The following CNOT10 variants were observed in gnomAD, a reference collection of about 807,000 sequenced individuals.
CNOT10 encodes CCR4-NOT transcription complex subunit 10, also known as CCR4-NOT transcription complex, subunit 10.
CNOT10 carries 30 observed loss-of-function variants against 94.6 expected under a neutral mutation model. The observed-to-expected ratio is 0.32, with a 90% CI of 0.24 to 0.43. The LOEUF (loss-of-function observed/expected upper bound fraction) is 0.43, where lower values mean the gene tolerates loss of function less well. Ranked by LOEUF, CNOT10 falls within the 20% of genes least tolerant of loss-of-function variation. CNOT10 has a pLI of 1.00. For synonymous variants in CNOT10, 289 were observed against 301.6 expected (o/e 0.96, Z 0.43); for missense variants, 759 against 877.2 (o/e 0.87, Z 1.70).
At chr3:32,694,260 T>A (rs1458402900) in intron 1 of CNOT10, among the ~76,000 whole-genome samples, 1 of 151,880 alleles carries the variant, frequency 6.6e-6, no homozygotes, top group Non-Finnish European at 1.5e-5. Flanking sequence ...TTTTAAGTAG[T>A]TAACATTTTA....
At chr3:32,707,461 A>G (rs1272441095) in intron 3 of CNOT10, among the ~76,000 whole-genome samples, 2 of 152,190 alleles carry the variant, frequency 1.3e-5, no homozygotes, top group Admixed American at 1.3e-4. Context: ...GGGCAAGATA[A>G]TTAAGTTTTC....
Position 32,685,402 on chromosome 3 carries a change from C to A in CNOT10, c.-59C>A. ...CGGAGGTCCAGGACAGCGGCCAGCCCGGCGGCGGGAGTCAGGGCCACGCCA... is the reference window on the plus strand; with the variant it reads ...CGGAGGTCCAGGACAGCGGCCAGCCAGGCGGCGGGAGTCAGGGCCACGCCA... On this transcript the variant is annotated 5_prime_UTR_variant, in exon 1 of 19. Transcript: ENST00000328834. The A allele has an allele frequency of 6.5e-7, 1 of 1,546,406 alleles. No homozygotes were observed. Among genetic ancestry groups the A allele is most frequent in the Non-Finnish European group, 8.7e-7 (1 of 1,143,532 alleles).
At chr3:32,706,014 C>G (rs1439040858) in intron 3 of CNOT10, among the ~76,000 whole-genome samples, 2 of 152,116 alleles carry the variant, frequency 1.3e-5, no homozygotes, top group African/African-American at 4.8e-5. Context: ...GCAGTAGGTG[C>G]TTATTATCTC....
At chr3:32,755,118 C>T (rs780338520) in intron 13 of CNOT10, among the ~76,000 whole-genome samples, 21 of 150,576 alleles carry the variant, frequency 1.4e-4, no homozygotes, top group Middle Eastern at 3.4e-3. Flanking sequence ...TGGTGGTGCA[C>T]GCCTGTAGTC....
intron 13 of CNOT10, among the ~76,000 whole-genome samples, chr3:32,743,268 T>A (rs1699552167): frequency 6.6e-6 from 1 of 152,112 alleles, no homozygotes; most frequent in African/African-American, 2.4e-5. Context: ...ATTACAGGCA[T>A]GAGCCACCCA....
intron 1 of CNOT10, among the ~76,000 whole-genome samples, chr3:32,686,440 C>G (rs1314963950): frequency 6.6e-6 from 1 of 152,108 alleles, no homozygotes; most frequent in Non-Finnish European, 1.5e-5. Context: ...GAAATTAAGC[C>G]AATTCTATTT....
chr3:32,762,440 T>G (rs923089810), intron 14 of CNOT10, among the ~76,000 whole-genome samples: 2 of 151,848 alleles, frequency 1.3e-5, no homozygotes, highest in Admixed American at 6.6e-5. Context: ...CAGCTAATTT[T>G]TGTATTTTTT....
chr3:32,763,713 C>T (rs1331458804), intron 15 of CNOT10, among the ~76,000 whole-genome samples: 1 of 152,082 alleles, frequency 6.6e-6, no homozygotes, highest in Non-Finnish European at 1.5e-5. Context: ...GACTAGTGCT[C>T]AGGTTTGAGA....
chr3:32,764,501 A>G lies in CNOT10; in HGVS notation c.1876+11A>G, dbSNP rs986915363. On this transcript the variant is annotated intron_variant, in intron 16 of 18. Transcript: ENST00000328834. ...AAGCAATGGAATCCTGTAAGTAAGA[A>G]GTTTTGTGATACTTAAGTAGCCTGG... 1.2e-6 allele frequency: 2 copies of G among 1,612,946 alleles called. No homozygotes were observed. The highest frequency in any genetic ancestry group is 1.3e-5 in the African/African-American group (1 of 74,852).
chr3:32,734,885 G>C lies in CNOT10; in HGVS notation c.1423G>C (p.Glu475Gln). 6.2e-7 allele frequency: 1 copy of C among 1,613,950 alleles called. No homozygotes were observed. Among genetic ancestry groups the C allele is most frequent in the Non-Finnish European group, 8.5e-7 (1 of 1,179,878 alleles). ...AAATGCCTTGTTGCTGCTACCTGAAGAACAGCAAGATCCAAAGCAGGAAAA... is the reference window on the plus strand; with the variant it reads ...AAATGCCTTGTTGCTGCTACCTGAACAACAGCAAGATCCAAAGCAGGAAAA... ...LRNALLLLPEEQQDPKQENGA... is the reference protein window; with the variant it reads ...LRNALLLLPEQQQDPKQENGA... Residue 475 changes from glutamate to glutamine, a missense_variant, in exon 12 of 19, where the codon GAA becomes CAA. Glu to Gln is a conservative substitution (Grantham distance 29). This residue lies in a region of CNOT10 where 682 missense variants were observed against 799.4 expected (regional missense o/e 0.85). Coordinates refer to ENST00000328834, the MANE Select transcript of CNOT10 (RefSeq NM_015442.3).
At chr3:32,700,227 C>T (rs1381008437) in intron 1 of CNOT10, among the ~76,000 whole-genome samples, 6 of 152,044 alleles carry the variant, frequency 3.9e-5, no homozygotes, top group East Asian at 1.9e-4. Flanking sequence ...CCGCCTGCCT[C>T]GGCCTCCCAA....
chr3:32,724,385 A>G (rs1559493744), intron 8 of CNOT10, among the ~76,000 whole-genome samples: 1 of 149,260 alleles, frequency 6.7e-6, no homozygotes, highest in Non-Finnish European at 1.5e-5. Flanking sequence ...AACTGGGATT[A>G]CAGGCGCCCT....
chr3:32,741,062 C>T (rs1171771793), intron 13 of CNOT10, among the ~76,000 whole-genome samples: 1 of 152,048 alleles, frequency 6.6e-6, no homozygotes, highest in Non-Finnish European at 1.5e-5. Context: ...TAGCCATACC[C>T]ACTTCCACTC....
chr3:32,719,267 A>G (rs1479594943), intron 7 of CNOT10, among the ~76,000 whole-genome samples: 1 of 151,732 alleles, frequency 6.6e-6, no homozygotes, highest in African/African-American at 2.4e-5. Flanking sequence ...AACAAAAACA[A>G]AAATTTGCCT....
chr3:32,748,830 T>G (rs1459700309), intron 13 of CNOT10, among the ~76,000 whole-genome samples: 5 of 150,862 alleles, frequency 3.3e-5, no homozygotes, highest in Non-Finnish European at 4.4e-5. Context: ...TTTTTGTGGT[T>G]TTTTTGTTTT....
At chr3:32,687,464 T>TGTTTGTTTTTTG (rs1559471810) in intron 1 of CNOT10, among the ~76,000 whole-genome samples, 4 of 67,982 alleles carry the variant, frequency 5.9e-5, no homozygotes, top group Non-Finnish European at 1.2e-4. Context: ...TTTTTTTTTT[T>TGTTTGTTTTTTG]TTTTTGAGAC....
chr3:32,768,870 C>T (rs1398424580), intron 17 of CNOT10, among the ~76,000 whole-genome samples: 1 of 152,188 alleles, frequency 6.6e-6, no homozygotes, highest in African/African-American at 2.4e-5. Context: ...CAAGCTGCTA[C>T]CTTCAGTACC....
chr3:32,743,401 A>C, intron 13 of CNOT10, among the ~76,000 whole-genome samples: 1 of 152,046 alleles, frequency 6.6e-6, no homozygotes, highest in East Asian at 1.9e-4. Context: ...AGGCCAAGGC[A>C]GGCAAATCGC....
At chr3:32,688,489 T>C (rs1696720035) in intron 1 of CNOT10, among the ~76,000 whole-genome samples, 1 of 151,524 alleles carries the variant, frequency 6.6e-6, no homozygotes. Flanking sequence ...CCCAGCTAGC[T>C]GGGAGGCTGA....
Sources: allele counts gnomAD v4.1 joint callset (sites outside exome capture counted in the v4.1 genomes callset), GRCh38; gene constraint gnomAD v4.1.1; regional missense constraint gnomAD v4.1.1; transcripts MANE v1.5; gene names NCBI Gene and HGNC (gene_info 2026-07-23, HGNC 2026-07-21).